Variants in TRA2B observed in about 807,000 individuals in gnomAD.
TRA2B encodes the protein transformer 2 beta homolog, also known as transformer-2 protein homolog beta.
Under a neutral mutation model 41.7 loss-of-function variants are expected in TRA2B, and 14 were observed. That is an observed-to-expected ratio of 0.34 (90% CI 0.22 to 0.53). The LOEUF is 0.53. Among genes scored for constraint, TRA2B ranks in the 20% least tolerant of loss-of-function variants. The pLI is 0.95. For missense variants in TRA2B, 167 were observed against 396.8 expected (o/e 0.42, Z 4.92); for synonymous variants, 130 against 128.8 (o/e 1.01, Z -0.06).
intron 1 of TRA2B, chr3:185,928,780 C>G (rs1277318284): frequency 6.6e-6 from 1 of 152,180 alleles, no homozygotes; most frequent in East Asian, 1.9e-4. Context: ...AATAAAGTAA[C>G]TGTAGTTAAC....
chr3:185,935,070 T>C (rs1254252646), intron 1 of TRA2B: 3 of 985,344 alleles, frequency 3.0e-6, no homozygotes, highest in Admixed American at 1.2e-4. Context: ...ACCTATACGC[T>C]GTGACCATTA....
In TRA2B at chr3:185,915,539, C is replaced by T. The variant is rs536066295; in HGVS notation, c.*2176G>A. Among the ~76,000 whole-genome samples the T allele has an allele frequency of 2.0e-5, 3 of 152,222 alleles. No individual in the cohort carries two copies. Among genetic ancestry groups the T allele is most frequent in the Non-Finnish European group, 4.4e-5 (3 of 68,038 alleles). On this transcript the variant is annotated 3_prime_UTR_variant, in exon 9 of 9. Transcript: ENST00000453386. ...ATTACAGCACATCAAAAGACTACCACTTTGTCTCACTACTTCTCAGTCTAT... is the reference window on the plus strand; with the variant it reads ...ATTACAGCACATCAAAAGACTACCATTTTGTCTCACTACTTCTCAGTCTAT...
intron 6 of TRA2B, among the ~76,000 whole-genome samples, chr3:185,920,130 G>C (rs946605341): frequency 6.6e-6 from 1 of 151,756 alleles, no homozygotes; most frequent in East Asian, 1.9e-4. Context: ...CCAAATTTTT[G>C]GCAAAAATAA....
chr3:185,918,965 C>T (rs1743610257), intron 7 of TRA2B, among the ~76,000 whole-genome samples: 1 of 152,110 alleles, frequency 6.6e-6, no homozygotes, highest in Admixed American at 6.5e-5. Flanking sequence ...CAGAGCAACA[C>T]TCTGTCTCCA....
At chr3:185,935,863 G>C in intron 1 of TRA2B, 1 of 985,306 alleles carries the variant, frequency 1.0e-6, no homozygotes, top group Non-Finnish European at 1.2e-6. Context: ...TAAAAGTTTA[G>C]AGATCTCGGC....
At chr3:185,930,586 C>T (rs181768897) in intron 1 of TRA2B, among the ~76,000 whole-genome samples, 36 of 152,270 alleles carry the variant, frequency 2.4e-4, no homozygotes, top group African/African-American at 7.5e-4. Context: ...TAGAAAACCG[C>T]TGGCTGACTA....
chr3:185,934,741 A>G, intron 1 of TRA2B: 10 of 985,430 alleles, frequency 1.0e-5, no homozygotes, highest in Non-Finnish European at 1.2e-5. Flanking sequence ...AAGACATCCC[A>G]AGATTCAGCA....
chr3:185,918,294 T>A (rs1743580621), intron 8 of TRA2B, 71 bp downstream of exon 8: 1 of 1,109,548 alleles, frequency 9.0e-7, no homozygotes, highest in East Asian at 2.4e-5. Flanking sequence ...CATTATCTGA[T>A]AAAGGGAATA....
At chr3:185,917,913 A>G (rs188416548) in intron 8 of TRA2B, among the ~76,000 whole-genome samples, 188 bp from the exon 9 acceptor site, 6 of 152,322 alleles carry the variant, frequency 3.9e-5, no homozygotes, top group Admixed American at 3.9e-4. Flanking sequence ...CTTAAATAAC[A>G]GAAATTGCTG....
At chr3:185,920,702 A>G (rs1743700383) in intron 6 of TRA2B, among the ~76,000 whole-genome samples, 1 of 152,066 alleles carries the variant, frequency 6.6e-6, no homozygotes, top group Admixed American at 6.6e-5. Flanking sequence ...CACCACCACA[A>G]CCGGCTAAAT....
At chr3:185,920,587 C>T (rs1178413557) in intron 6 of TRA2B, among the ~76,000 whole-genome samples, 6 of 152,020 alleles carry the variant, frequency 3.9e-5, no homozygotes, top group African/African-American at 1.5e-4. Flanking sequence ...GAGTCTCTCG[C>T]TCTGTTGCCT....
At chr3:185,936,688 T>TTTA (rs397700543) in intron 1 of TRA2B, 1 of 973,108 alleles carries the variant, frequency 1.0e-6, no homozygotes, top group Non-Finnish European at 1.2e-6. Context: ...TTTTTTTTTT[T>TTTA]AAAAAAGCAC....
chr3:185,937,766 T>C lies in TRA2B; in HGVS notation c.36+59A>G, dbSNP rs1337049354. The C allele has an allele frequency of 3.1e-6, 5 of 1,611,780 alleles. No homozygotes were observed. The African/African-American group carries it at 5.3e-5, about 17-fold the overall frequency. ...CCTCCTGGCCCGAGGCCGACGGGCC[T>C]AGAAAAAGATGCAAGGAGCTAGGAC... On this transcript the variant is annotated intron_variant, in intron 1 of 8. Transcript: ENST00000453386.
chr3:185,928,554 G>A (rs546288226), intron 1 of TRA2B: 31 of 152,208 alleles, frequency 2.0e-4, no homozygotes, highest in African/African-American at 7.5e-4. Context: ...TCTCTCCATG[G>A]ACAAAGGAGG....
At chr3:185,936,494 T>C in intron 1 of TRA2B, 1 of 985,410 alleles carries the variant, frequency 1.0e-6, no homozygotes, top group Non-Finnish European at 1.2e-6. Context: ...CAGTTTGGGC[T>C]CCAAAATTAC....
At chr3:185,933,686 G>C (rs1366989446) in intron 1 of TRA2B, among the ~76,000 whole-genome samples, 1 of 152,074 alleles carries the variant, frequency 6.6e-6, no homozygotes, top group Middle Eastern at 3.2e-3. Flanking sequence ...TCTACCAGAA[G>C]AGTAAATGGA....
At chr3:185,933,338 T>C (rs972682443) in intron 1 of TRA2B, among the ~76,000 whole-genome samples, 3 of 152,180 alleles carry the variant, frequency 2.0e-5, no homozygotes, top group African/African-American at 4.8e-5. Flanking sequence ...ATTATAAATA[T>C]TAGATTTAAT....
chr3:185,918,103 T>C (rs1743573524), intron 8 of TRA2B, among the ~76,000 whole-genome samples: 2 of 152,162 alleles, frequency 1.3e-5, no homozygotes, highest in African/African-American at 4.8e-5. Flanking sequence ...AAATACATTA[T>C]TTACTATTTC....
chr3:185,919,714 T>TA lies in TRA2B; in HGVS notation c.723-219dup, dbSNP rs543317376. 1.9e-3 allele frequency among the ~76,000 whole-genome samples: 279 copies of TA among 147,184 alleles called. 1 individual carries two copies. The East Asian group carries it at 0.019, about 10-fold the overall frequency. ...CAGAACATTCCTAAGTAAATGCTCT[T>TA]AAAAAAAAAAATCAAACTAAGAAAA... is the stretch of plus-strand genomic sequence containing the variant. On this transcript the variant is annotated intron_variant, in intron 6 of 8. Coordinates refer to ENST00000453386, the MANE Select transcript of TRA2B (RefSeq NM_004593.3).
Sources: gnomAD v4.1 joint callset for allele counts (sites outside exome capture counted in the v4.1 genomes callset) on GRCh38, gnomAD v4.1.1 for gene constraint, MANE v1.5 for transcripts, NCBI Gene and HGNC (gene_info 2026-07-23, HGNC 2026-07-21) for gene names.